Variants in CCDC93 observed in about 807,000 individuals in gnomAD.
CCDC93 encodes CCC complex scaffolding subunit CCDC93, also known as coiled-coil domain-containing protein 93.
CCDC93 carries 61 observed loss-of-function variants against 108.2 expected under a neutral mutation model. That is an observed-to-expected ratio of 0.56 (90% confidence interval 0.46 to 0.70). The LOEUF (loss-of-function observed/expected upper bound fraction) is 0.70, where lower values mean the gene tolerates loss of function less well. Ranked by LOEUF, CCDC93 falls within the 30% of genes least tolerant of loss-of-function variation. The pLI is 0.00. For missense variants in CCDC93, 685 were observed against 764.2 expected (o/e 0.90, Z 1.22); for synonymous variants, 276 against 260.4 (o/e 1.06, Z -0.58).
intron 6 of CCDC93, 126 bp from the exon 7 acceptor site, chr2:117,986,195 C>T (rs1029725617): frequency 3.3e-5 from 18 of 541,196 alleles, no homozygotes; most frequent in Admixed American, 1.5e-4. Context: ...GACAGAGTCT[C>T]GCTCTGTCGC....
chr2:117,944,694 A>C (rs139109808), intron 17 of CCDC93: 51 of 470,126 alleles, frequency 1.1e-4, no homozygotes, highest in African/African-American at 9.2e-4. Flanking sequence ...CTCCTTCCTC[A>C]GCATAGGGAA....
chr2:117,952,479 A>C, intron 12 of CCDC93, 44 bp from the exon 13 acceptor site: 1 of 1,306,906 alleles, frequency 7.7e-7, no homozygotes, highest in Non-Finnish European at 1.1e-6. Flanking sequence ...TTTGATCCTT[A>C]TGACAACACA....
chr2:117,981,219 C>T (rs1680106045), intron 7 of CCDC93, among the ~76,000 whole-genome samples: 1 of 152,200 alleles, frequency 6.6e-6, no homozygotes, highest in Non-Finnish European at 1.5e-5. Flanking sequence ...TCATTCACTT[C>T]AATATCCCCA....
intron 6 of CCDC93, among the ~76,000 whole-genome samples, chr2:117,993,882 TAC>T (rs1680563270): frequency 6.6e-6 from 1 of 152,180 alleles, no homozygotes; most frequent in Admixed American, 6.5e-5. Context: ...TACAGGGGTG[TAC>T]CACCACATCC....
rs747307988 is a variant in CCDC93 at position 118,000,938 on chromosome 2, C to G, written c.252-6G>C. The stretch of plus-strand genomic sequence containing the variant: ...CAATTTTTTCTGACAGAGCTCTGTT[C>G]AGAAAAAGTAACAAGCAAAGAGTGA... On this transcript the variant is annotated splice_region_variant and splice_polypyrimidine_tract_variant and intron_variant, in intron 3 of 23. Transcript: ENST00000376300. The G allele has an allele frequency of 2.5e-6, 4 of 1,581,932 alleles. No homozygotes were observed. Among genetic ancestry groups the G allele is most frequent in the Admixed American group, 1.7e-5 (1 of 59,914 alleles).
intron 1 of CCDC93, among the ~76,000 whole-genome samples, chr2:118,009,442 G>A (rs1339064968): frequency 6.6e-6 from 1 of 151,956 alleles, no homozygotes; most frequent in East Asian, 1.9e-4. Context: ...CCAAGTGGGG[G>A]TGCCGATCAC....
chr2:117,922,864 T>C (rs887196396), intron 23 of CCDC93, among the ~76,000 whole-genome samples: 2 of 152,108 alleles, frequency 1.3e-5, no homozygotes, highest in African/African-American at 2.4e-5. Context: ...GTAGAGGCTG[T>C]GGAGTAGCAA....
At position 118,013,990 on chromosome 2, in the gene CCDC93, C is replaced by A. The variant is rs11545372; in HGVS notation, c.6G>T (p.Gly2=). 535,362 of 1,591,626 alleles carry A rather than the reference C, an allele frequency of 0.34. 93,438 individuals are homozygous for A. Among genetic ancestry groups the A allele is most frequent in the African/African-American group, 0.43 (31,940 of 74,136 alleles). Residue 2 remains glycine (G), a synonymous_variant, in exon 1 of 24, where the codon GGG becomes GGT. Transcript: ENST00000376300. M[G]LPRGPEGQGL... is the part of the protein sequence containing the mutation. Reference sequence around the variant, plus strand: ...CCTGGCCCTCCGGCCCCCTGGGCAACCCCATGATCCGACCGGGCTGTCGTA... The same window carrying A: ...CCTGGCCCTCCGGCCCCCTGGGCAAACCCATGATCCGACCGGGCTGTCGTA...
chr2:117,953,049 T>C (rs1679110691), intron 12 of CCDC93, among the ~76,000 whole-genome samples: 1 of 152,250 alleles, frequency 6.6e-6, no homozygotes, highest in African/African-American at 2.4e-5. Context: ...TATATCCTTG[T>C]GTCTATCAAC....
intron 11 of CCDC93, among the ~76,000 whole-genome samples, chr2:117,972,678 C>A (rs1005550016): frequency 3.3e-5 from 5 of 151,966 alleles, no homozygotes; most frequent in Admixed American, 2.0e-4. Context: ...TATAAACTCA[C>A]ACTCTTGCCA....
chr2:117,932,954 C>T (rs908809693), intron 22 of CCDC93, among the ~76,000 whole-genome samples: 2 of 152,204 alleles, frequency 1.3e-5, no homozygotes, highest in African/African-American at 4.8e-5. Context: ...CAAAACACTT[C>T]ACCGTGACTG....
At position 117,917,506 on chromosome 2, in the gene CCDC93, T is replaced by A. The variant is rs1025031668; in HGVS notation, c.*2837A>T. 6 of 152,648 alleles carry A rather than the reference T, an allele frequency of 3.9e-5. No individual in the cohort carries two copies. Among genetic ancestry groups the A allele is most frequent in the Admixed American group, 1.3e-4 (2 of 15,278 alleles). 9.5% of individuals were successfully genotyped at this position (152,648 alleles called of 1,614,324 possible). Reference sequence around the variant, plus strand: ...GCAGGACCCAGCTATCCTGAAAATATTAAGGGCTACGAGCTAGAACCATTA... The same window carrying A: ...GCAGGACCCAGCTATCCTGAAAATAATAAGGGCTACGAGCTAGAACCATTA... On this transcript the variant is annotated 3_prime_UTR_variant, in exon 24 of 24. Transcript: ENST00000376300.
chr2:118,011,333 C>T (rs1042829489), intron 1 of CCDC93, among the ~76,000 whole-genome samples: 1 of 152,106 alleles, frequency 6.6e-6, no homozygotes, highest in African/African-American at 2.4e-5. Flanking sequence ...GGGGAGGTGA[C>T]AGCACTGAGC....
At chr2:117,971,626 C>T (rs1042654119) in intron 11 of CCDC93, among the ~76,000 whole-genome samples, 1 of 152,004 alleles carries the variant, frequency 6.6e-6, no homozygotes, top group Non-Finnish European at 1.5e-5. Flanking sequence ...GATACTAGGG[C>T]AAAGAGAGAT....
chr2:118,000,422 G>A (rs1003276411), intron 4 of CCDC93, among the ~76,000 whole-genome samples: 3 of 152,154 alleles, frequency 2.0e-5, no homozygotes, highest in Admixed American at 2.0e-4. Context: ...AAAGCACTGT[G>A]ACAGGTGGAA....
At position 117,987,197 on chromosome 2, in the gene CCDC93, C is replaced by T. The variant is rs138085863; in HGVS notation, c.520-1128G>A. Among the ~76,000 whole-genome samples the T allele has an allele frequency of 3.0e-3, 464 of 152,266 alleles. 1 individual carries two copies. The highest frequency in any genetic ancestry group is 0.01 in the African/African-American group (434 of 41,540). On this transcript the variant is annotated intron_variant, in intron 6 of 23. Transcript: ENST00000376300. ...TCATATATATCTCACCTTTCTTTTA[C>T]ACTTTATAAACCACACTGTGAAGTA...
At chr2:117,930,032 G>A (rs144446748) in intron 23 of CCDC93, among the ~76,000 whole-genome samples, 98 of 152,288 alleles carry the variant, frequency 6.4e-4, no homozygotes, top group African/African-American at 2.2e-3. Flanking sequence ...TCTGCCCAGG[G>A]GTATAGTAGG....
chr2:117,921,836 T>TG, intron 23 of CCDC93: 1 of 152,002 alleles, frequency 6.6e-6, no homozygotes, highest in East Asian at 1.9e-4. Context: ...CTTGTCTTGG[T>TG]GGTAAGGCTG....
chr2:117,955,878 TA>T (rs1232741526), intron 12 of CCDC93, among the ~76,000 whole-genome samples: 1 of 152,292 alleles, frequency 6.6e-6, no homozygotes, highest in African/African-American at 2.4e-5. Context: ...TGCAAAGGCC[TA>T]AAAACAGGTT....
Sources: gnomAD v4.1 joint callset for allele counts (sites outside exome capture counted in the v4.1 genomes callset) on GRCh38, gnomAD v4.1.1 for gene constraint, MANE v1.5 for transcripts, NCBI Gene and HGNC (gene_info 2026-07-23, HGNC 2026-07-21) for gene names.